Variants in ADH1C observed in about 807,000 individuals in gnomAD.
The protein encoded by ADH1C is alcohol dehydrogenase 1C (class I), gamma polypeptide, also known as alcohol dehydrogenase 1C.
Under a neutral mutation model 35.0 loss-of-function variants are expected in ADH1C, and 26 were observed. That is an observed-to-expected ratio of 0.74 (90% CI 0.54 to 1.03). The LOEUF (loss-of-function observed/expected upper bound fraction) is 1.03, where lower values mean the gene tolerates loss of function less well. ADH1C is among the 50% of genes least tolerant of loss of function. ADH1C has a pLI of 0.00. For synonymous variants in ADH1C, 170 were observed against 169.3 expected, an observed-to-expected ratio of 1.00 and a Z score of -0.03; for missense variants, 413 against 465.4, an observed-to-expected ratio of 0.89 and a Z score of 1.04.
intron 1 of ADH1C, among the ~76,000 whole-genome samples, chr4:99,349,800 TGTTTCTG>T (rs1734632644): frequency 8.3e-6 from 1 of 120,524 alleles, no homozygotes; most frequent in South Asian, 2.4e-4. Context: ...TGTGTATGTG[TGTTTCTG>T]TGTGTGTGTG....
In ADH1C at chr4:99,342,818, C is replaced by G. The variant is rs766035972; in HGVS notation, c.805G>C (p.Val269Leu). The G allele has an allele frequency of 1.2e-6, 2 of 1,613,930 alleles. No homozygotes were observed. Among genetic ancestry groups the G allele is most frequent in the Admixed American group, 1.7e-5 (1 of 59,994 alleles). Residue 269 changes from valine to leucine, a missense_variant, in exon 6 of 9, where the codon GTC becomes CTC. Coordinates refer to ENST00000515683, the MANE Select transcript of ADH1C (RefSeq NM_000669.5). ...ACCATGGTGTCAAGCCGACCGATGA[C>G]TTCAAACGAAAAATCCACACCTCCA... ...TDGGVDFSFE[V>L]IGRLDTMMAS...
Position 99,345,050 on chromosome 4 carries a change from C to A in ADH1C, c.379G>T (p.Gly127Cys). ...LGNPRGTLQD[G>C]TRRFTCSGKP... is the part of the protein sequence containing the mutation. ...CCGCTGCAGGTGAACCTCCTGGTGC[C>A]ATCCTGCAGGGTCCCCCGAGGATTG... The change falls in exon 5 of 9, where the codon GGC becomes TGC. Residue 127 changes from glycine to cysteine, a missense_variant. Gly to Cys is a radical substitution (Grantham distance 159). Transcript: ENST00000515683. 1 of 1,614,170 alleles carries A rather than the reference C, an allele frequency of 6.2e-7. No homozygotes were observed. The highest frequency in any genetic ancestry group is 1.3e-5 in the African/African-American group (1 of 75,040).
At chr4:99,352,555 G>T (rs1384882048) in intron 1 of ADH1C, 103 bp downstream of exon 1, 1 of 890,248 alleles carries the variant, frequency 1.1e-6, no homozygotes, top group Non-Finnish European at 1.7e-6. Flanking sequence ...ATCTAATTTA[G>T]ATATGAATTT....
intron 6 of ADH1C, 78 bp downstream of exon 6, chr4:99,342,717 T>C: frequency 6.3e-7 from 1 of 1,584,054 alleles, no homozygotes; most frequent in Non-Finnish European, 8.6e-7. Flanking sequence ...CCTTTATACA[T>C]AATACGTATA....
At chr4:99,342,338 T>C (rs1320162545) in intron 6 of ADH1C, among the ~76,000 whole-genome samples, 2 of 152,208 alleles carry the variant, frequency 1.3e-5, no homozygotes, top group Non-Finnish European at 2.9e-5. Context: ...AAAATAATAG[T>C]TGGTCTAAAA....
chr4:99,349,998 C>T (rs757613567), intron 1 of ADH1C, among the ~76,000 whole-genome samples: 1 of 152,202 alleles, frequency 6.6e-6, no homozygotes, highest in Non-Finnish European at 1.5e-5. Context: ...GTACAATTCA[C>T]TGAGCTCTTT....
chr4:99,345,759 G>C lies in ADH1C; in HGVS notation c.260-493C>G, dbSNP rs1734517276. 2.6e-5 allele frequency among the ~76,000 whole-genome samples: 4 copies of C among 152,272 alleles called. No individual in the cohort carries two copies. The South Asian group carries it at 8.3e-4, about 32-fold the overall frequency. On this transcript the variant is annotated intron_variant, in intron 3 of 8. Coordinates refer to ENST00000515683, the MANE Select transcript of ADH1C (RefSeq NM_000669.5). ...AACATAGGTCTTGGCTTTTCAAAGA[G>C]ACTAGGTTTATCTTAATTATAAAAT...
intron 5 of ADH1C, 141 bp downstream of exon 5, chr4:99,344,721 G>GT: frequency 9.2e-7 from 1 of 1,092,300 alleles, no homozygotes; most frequent in South Asian, 1.6e-5. Flanking sequence ...TGTGCTCTCA[G>GT]TTCTTTCTGG....
Position 99,343,017 on chromosome 4 carries a change from T to C in ADH1C, c.606A>G (p.Gly202=). The change falls in exon 6 of 9, where the codon GGA becomes GGG. Residue 202 remains glycine (G), a synonymous_variant. Coordinates refer to ENST00000515683, the MANE Select transcript of ADH1C (RefSeq NM_000669.5). ...CCATAACAACAGATAGGCCGACCCC[T>C]CCCAGGCCAAACACAGCACAGGTAG... is the stretch of plus-strand genomic sequence containing the variant. ...PGSTCAVFGL[G]GVGLSVVMGC... is the part of the protein sequence containing the mutation. The C allele has an allele frequency of 1.2e-6, 2 of 1,614,212 alleles. No homozygotes were observed. The highest frequency in any genetic ancestry group is 1.3e-5 in the African/African-American group (1 of 75,056).
chr4:99,350,981 T>C (rs1734662905), intron 1 of ADH1C: 1 of 152,088 alleles, frequency 6.6e-6, no homozygotes, highest in Admixed American at 6.5e-5. Context: ...CTACTAAAAA[T>C]GCTAAAATTA....
At chr4:99,339,528 C>A in intron 8 of ADH1C, 49 bp downstream of exon 8, 2 of 1,139,250 alleles carry the variant, frequency 1.8e-6, no homozygotes, top group Non-Finnish European at 2.4e-6. Context: ...CCCCCCCCCG[C>A]CGCTACTGTA....
At chr4:99,347,291 C>T (rs1734559048) in intron 2 of ADH1C, 147 bp from the exon 3 acceptor site, 1 of 1,004,264 alleles carries the variant, frequency 1.0e-6, no homozygotes, top group Non-Finnish European at 1.4e-6. Flanking sequence ...ATGAAAGATT[C>T]AGTTTATCTC....
Position 99,352,687 on chromosome 4 carries a change from C to G in ADH1C, c.-12G>C. Reference sequence around the variant, plus strand: ...CCTGCTGTGCTCATATTGATTCTGTCTTCTCTGCAGACCAGGAGGCTGGTG... The same window carrying G: ...CCTGCTGTGCTCATATTGATTCTGTGTTCTCTGCAGACCAGGAGGCTGGTG... On this transcript the variant is annotated 5_prime_UTR_variant, in exon 1 of 9. Transcript: ENST00000515683. 6.2e-7 allele frequency: 1 copy of G among 1,612,914 alleles called. No homozygotes were observed. Among genetic ancestry groups the G allele is most frequent in the Non-Finnish European group, 8.5e-7 (1 of 1,179,180 alleles).
rs541115853 is a variant in ADH1C, at chr4:99,352,645, AT to A, written c.18+12del. 1.3e-5 allele frequency: 21 copies of A among 1,604,180 alleles called. No homozygotes were observed. Among genetic ancestry groups the A allele is most frequent in the Non-Finnish European group, 1.7e-5 (20 of 1,171,448 alleles). ...GAGAATATATTATCAACAGTAATAT[AT>A]TTTTTGCTTACTTTTCCTGCTGTGC... On this transcript the variant is annotated intron_variant, in intron 1 of 8. Transcript: ENST00000515683.
At chr4:99,343,594 T>G (rs757265768) in intron 5 of ADH1C, among the ~76,000 whole-genome samples, 5 of 152,234 alleles carry the variant, frequency 3.3e-5, no homozygotes, top group Non-Finnish European at 7.3e-5. Context: ...TTCTTCATTT[T>G]TGTTCAGTAG....
At chr4:99,347,396 T>C (rs4147542) in intron 2 of ADH1C, among the ~76,000 whole-genome samples, 50,934 of 152,012 alleles carry the variant, frequency 0.34, 9,897 homozygotes, top group East Asian at 0.75. Context: ...TTTTGTCTTG[T>C]ATAATATAGA....
At chr4:99,337,989 T>C (rs1178870915) in intron 8 of ADH1C, among the ~76,000 whole-genome samples, 1 of 151,938 alleles carries the variant, frequency 6.6e-6, no homozygotes, top group African/African-American at 2.4e-5. Context: ...TATATGTATG[T>C]TTGAGTTGAT....
chr4:99,348,561 AT>A (rs1259477065), intron 1 of ADH1C, among the ~76,000 whole-genome samples: 1 of 150,484 alleles, frequency 6.6e-6, no homozygotes, highest in Non-Finnish European at 1.5e-5. Context: ...AGTCTTTGCT[AT>A]TGTGAATAAT....
At chr4:99,339,040 A>G (rs542302741) in intron 8 of ADH1C, among the ~76,000 whole-genome samples, 23 of 152,246 alleles carry the variant, frequency 1.5e-4, no homozygotes, top group Admixed American at 1.3e-3. Flanking sequence ...AACTTTTCTT[A>G]GTAAATTTTT....
Sources: gnomAD v4.1 joint callset for allele counts (sites outside exome capture counted in the v4.1 genomes callset) on GRCh38, gnomAD v4.1.1 for gene constraint, MANE v1.5 for transcripts, NCBI Gene and HGNC (gene_info 2026-07-23, HGNC 2026-07-21) for gene names.